CDYL2: variants seen among roughly 807,000 people sequenced by gnomAD.
CDYL2 encodes chromodomain Y-like protein 2.
CDYL2 carries 23 observed loss-of-function variants against 49.4 expected under a neutral mutation model. That is an observed-to-expected ratio of 0.47 (90% CI 0.34 to 0.66). The LOEUF is 0.66. Among genes scored for constraint, CDYL2 ranks in the 30% least tolerant of loss-of-function variants. The pLI is 0.01. For synonymous variants in CDYL2, 360 were observed against 268.8 expected, an observed-to-expected ratio of 1.34 and a Z score of -3.32; for missense variants, 678 against 656.4, an observed-to-expected ratio of 1.03 and a Z score of -0.36.
At chr16:80,683,127 C>G (rs1256364309) in intron 2 of CDYL2, among the ~76,000 whole-genome samples, 1 of 152,238 alleles carries the variant, frequency 6.6e-6, no homozygotes, top group Non-Finnish European at 1.5e-5. Flanking sequence ...CCCCAACCTT[C>G]TGTGAGCCCT....
chr16:80,649,744 C>G (rs915202613), intron 2 of CDYL2, among the ~76,000 whole-genome samples: 3 of 152,110 alleles, frequency 2.0e-5, no homozygotes, highest in Admixed American at 6.5e-5. Context: ...ACCAAAACAG[C>G]ACGGTACTGG....
chr16:80,750,757 C>T (rs1297605305), intron 1 of CDYL2, among the ~76,000 whole-genome samples: 1 of 152,144 alleles, frequency 6.6e-6, no homozygotes, highest in Admixed American at 6.5e-5. Context: ...CAGTGGCTCA[C>T]GCCCGTAATC....
intron 1 of CDYL2, among the ~76,000 whole-genome samples, chr16:80,746,358 T>C (rs1013281962): frequency 2.0e-5 from 3 of 152,202 alleles, no homozygotes; most frequent in African/African-American, 7.2e-5. Flanking sequence ...TGAATTGTGC[T>C]GTGGGAAGAA....
At chr16:80,685,212 C>G in intron 1 of CDYL2, 83 bp from the exon 2 acceptor site, 2 of 1,116,424 alleles carry the variant, frequency 1.8e-6, no homozygotes, top group South Asian at 2.9e-5. Flanking sequence ...CACCATAAAG[C>G]CTTTGGGATA....
Position 80,804,165 on chromosome 16 carries a change from A to C in CDYL2, c.9T>G (p.Ser3=). 2 of 1,298,898 alleles carry C rather than the reference A, an allele frequency of 1.5e-6. No homozygotes were observed. The highest frequency in any genetic ancestry group is 2.0e-6 in the Non-Finnish European group (2 of 993,694). 80.5% of individuals were successfully genotyped at this position (1,298,898 alleles called of 1,614,324 possible). Residue 3 remains serine (S), a synonymous_variant, in exon 1 of 7, where the codon TCT becomes TCG. Coordinates refer to ENST00000570137, the MANE Select transcript of CDYL2 (RefSeq NM_152342.4). ...GTCCCCGTACCTCGTAAAGGTCCCC[A>C]GAAGCCATGCCAGGCTGCGGAACTT... The part of the protein sequence containing the change: MA[S]GDLYEVERIV...
intron 1 of CDYL2, among the ~76,000 whole-genome samples, chr16:80,690,568 G>C (rs891149204): frequency 6.6e-6 from 1 of 152,174 alleles, no homozygotes; most frequent in Non-Finnish European, 1.5e-5. Flanking sequence ...AAGCACAGAA[G>C]AGCTAAGACT....
chr16:80,616,613 A>AC (rs1214245406), intron 4 of CDYL2, among the ~76,000 whole-genome samples: 1 of 152,052 alleles, frequency 6.6e-6, no homozygotes, highest in Non-Finnish European at 1.5e-5. Flanking sequence ...CCAAACAGTG[A>AC]CCACCATCCT....
rs1262528897 is a variant in CDYL2, at chr16:80,604,132, G to T, written c.*256C>A. On this transcript the variant is annotated 3_prime_UTR_variant, in exon 7 of 7. Coordinates refer to ENST00000570137, the MANE Select transcript of CDYL2 (RefSeq NM_152342.4). ...GGAAAGGACAGCGGTGCTTGGCGGA[G>T]CCCTGGGAAGATACAGCCTTGGACA... The T allele has an allele frequency of 3.8e-6, 2 of 523,908 alleles. No individual in the cohort carries two copies. Among genetic ancestry groups the T allele is most frequent in the Non-Finnish European group, 6.9e-6 (2 of 291,046 alleles). The allele number at this position is 523,908 out of a possible 1,614,324, so 32.5% of individuals were successfully genotyped here.
At chr16:80,659,458 C>A (rs1908951525) in intron 2 of CDYL2, among the ~76,000 whole-genome samples, 1 of 152,030 alleles carries the variant, frequency 6.6e-6, no homozygotes, top group South Asian at 2.1e-4. Flanking sequence ...TCTTGAATTT[C>A]TTAACTACAT....
At chr16:80,788,673 T>G (rs1443867378) in intron 1 of CDYL2, among the ~76,000 whole-genome samples, 5 of 152,220 alleles carry the variant, frequency 3.3e-5, no homozygotes. Flanking sequence ...CTAGGATGAC[T>G]GGCTTAAATG....
At chr16:80,610,306 A>G (rs1242354687) in intron 5 of CDYL2, among the ~76,000 whole-genome samples, 1 of 152,198 alleles carries the variant, frequency 6.6e-6, no homozygotes, top group African/African-American at 2.4e-5. Flanking sequence ...GTGCTTGCCT[A>G]GGTGCAACAG....
intron 2 of CDYL2, among the ~76,000 whole-genome samples, chr16:80,680,131 G>A (rs1597168762): frequency 6.6e-6 from 1 of 152,206 alleles, no homozygotes; most frequent in South Asian, 2.1e-4. Flanking sequence ...TGTTCTAGAA[G>A]TGAAAGCTGA....
At chr16:80,791,017 C>T (rs79063720) in intron 1 of CDYL2, among the ~76,000 whole-genome samples, 430 of 152,352 alleles carry the variant, frequency 2.8e-3, no homozygotes, top group African/African-American at 9.7e-3. Context: ...GAGGCCCTCA[C>T]TTTTCATCGC....
chr16:80,717,206 C>T (rs1904841966), intron 1 of CDYL2, among the ~76,000 whole-genome samples: 1 of 152,082 alleles, frequency 6.6e-6, no homozygotes, highest in Non-Finnish European at 1.5e-5. Flanking sequence ...GCCCTGCTGA[C>T]ACACAGTGTG....
At chr16:80,775,364 T>C (rs1025108917) in intron 1 of CDYL2, among the ~76,000 whole-genome samples, 1 of 151,856 alleles carries the variant, frequency 6.6e-6, no homozygotes, top group Non-Finnish European at 1.5e-5. Flanking sequence ...AAAATCTGTA[T>C]ATACAGTTTA....
At chr16:80,775,697 A>C (rs1210118008) in intron 1 of CDYL2, among the ~76,000 whole-genome samples, 3 of 151,972 alleles carry the variant, frequency 2.0e-5, no homozygotes, top group Non-Finnish European at 4.4e-5. Context: ...TATTTGCAAT[A>C]AATATTTGCA....
chr16:80,739,832 G>C (rs1905673524), intron 1 of CDYL2, among the ~76,000 whole-genome samples: 1 of 152,196 alleles, frequency 6.6e-6, no homozygotes, highest in African/African-American at 2.4e-5. Context: ...TCACACTGGG[G>C]ACCTGCTGTC....
intron 1 of CDYL2, among the ~76,000 whole-genome samples, chr16:80,750,667 A>G (rs913507576): frequency 5.3e-5 from 8 of 151,592 alleles, no homozygotes; most frequent in Non-Finnish European, 1.2e-4. Flanking sequence ...AATTAGAAAA[A>G]GTTGCCAAAG....
intron 2 of CDYL2, among the ~76,000 whole-genome samples, chr16:80,657,010 C>G (rs138797241): frequency 6.6e-6 from 1 of 151,956 alleles, no homozygotes; most frequent in Admixed American, 6.6e-5. Context: ...CAGGTAGAGG[C>G]GAACACAAAA....
Sources: gnomAD v4.1 joint callset for allele counts (sites outside exome capture counted in the v4.1 genomes callset) on GRCh38, gnomAD v4.1.1 for gene constraint, MANE v1.5 for transcripts, NCBI Gene and HGNC (gene_info 2026-07-23, HGNC 2026-07-21) for gene names.